CENPM: variants seen among roughly 807,000 people sequenced by gnomAD.
CENPM encodes interphase centromere complex protein 39.
In CENPM, 14 loss-of-function variants were observed where a neutral mutation model predicts 19.6. The observed-to-expected ratio is 0.71, with a 90% confidence interval of 0.47 to 1.11. The LOEUF (loss-of-function observed/expected upper bound fraction) is 1.11. CENPM is among the 50% of genes most tolerant of loss of function. The probability of loss-of-function intolerance (pLI) is 0.00; values close to 1 mark genes in which losing one functional copy is unlikely to be tolerated. For missense variants in CENPM, 239 were observed against 228.4 expected, an observed-to-expected ratio of 1.05 and a Z score of -0.30; for synonymous variants, 114 against 101.5, an observed-to-expected ratio of 1.12 and a Z score of -0.74.
downstream of CENPM, among the ~76,000 whole-genome samples, chr22:41,938,363 C>CTTT (rs564451166): frequency 5.7e-4 from 54 of 94,402 alleles, 1 homozygote; most frequent in Non-Finnish European, 6.8e-4. Flanking sequence ...GCTGGTCTCG[C>CTTT]TTTTTTTTTT....
intron 5 of CENPM, among the ~76,000 whole-genome samples, chr22:41,941,947 G>A (rs943148460): frequency 1.9e-4 from 29 of 152,302 alleles, no homozygotes; most frequent in African/African-American, 6.3e-4. Flanking sequence ...TTCTACTGGC[G>A]ACAGCCACAG....
chr22:41,932,361 G>C, the CENPM span, among the ~76,000 whole-genome samples: 1 of 152,348 alleles, frequency 6.6e-6, no homozygotes, highest in East Asian at 1.9e-4. The surrounding 1 kb of genome is among the most constrained non-coding windows in gnomAD (Gnocchi z 4.3). Flanking sequence ...CACGGAATCA[G>C]CACAAAGTCC....
the CENPM span, among the ~76,000 whole-genome samples, chr22:41,933,031 G>C: frequency 2.0e-5 from 3 of 152,154 alleles, no homozygotes; most frequent in Non-Finnish European, 4.4e-5. Context: ...CAGGGTGCTC[G>C]AGGGTTATGG....
chr22:41,941,659 G>A (rs1404412333), intron 5 of CENPM, among the ~76,000 whole-genome samples: 2 of 152,260 alleles, frequency 1.3e-5, no homozygotes, highest in Admixed American at 6.5e-5. Context: ...CTCACGAGCT[G>A]TCTGACCCTG....
intron 5 of CENPM, among the ~76,000 whole-genome samples, chr22:41,941,271 G>A (rs1243018848): frequency 6.6e-6 from 1 of 152,236 alleles, no homozygotes; most frequent in East Asian, 1.9e-4. Context: ...GCAGAAGAGT[G>A]TTCTGAAGAG....
intron 5 of CENPM, among the ~76,000 whole-genome samples, chr22:41,939,736 C>A (rs75762735): frequency 9.8e-6 from 1 of 102,454 alleles, no homozygotes; most frequent in Admixed American, 1.2e-4. Flanking sequence ...GTTCTAGACA[C>A]GTCCGCTGGA....
intron 5 of CENPM, chr22:41,940,250 G>C (rs1473139092): frequency 1.4e-6 from 1 of 709,706 alleles, no homozygotes; most frequent in Non-Finnish European, 2.6e-6. Context: ...TATTTATTTA[G>C]AAGTCCTGTT....
At chr22:41,942,475 G>T (rs2146609951) in intron 5 of CENPM, among the ~76,000 whole-genome samples, 1 of 152,272 alleles carries the variant, frequency 6.6e-6, no homozygotes, top group South Asian at 2.1e-4. Context: ...CAGTGGCCGG[G>T]TGCAGTGGCT....
the CENPM span, among the ~76,000 whole-genome samples, chr22:41,932,702 A>T: frequency 6.6e-6 from 1 of 152,204 alleles, no homozygotes; most frequent in Non-Finnish European, 1.5e-5. The surrounding 1 kb of genome is among the most constrained non-coding windows in gnomAD (Gnocchi z 4.3). Flanking sequence ...CAAAGCCCCC[A>T]CCTCTTGGGG....
At chr22:41,937,702 C>T (rs1197098349), downstream of CENPM, among the ~76,000 whole-genome samples, 2 of 152,196 alleles carry the variant, frequency 1.3e-5, no homozygotes, top group Admixed American at 1.3e-4. Context: ...ATCCTCCCAA[C>T]GTGACAAGGT....
At position 41,939,165 on chromosome 22, in the gene CENPM, C is replaced by T. The variant is rs781072264; in HGVS notation, c.434G>A (p.Arg145His). 13 of 1,612,190 alleles carry T rather than the reference C, an allele frequency of 8.1e-6. No individual in the cohort carries two copies. The highest frequency in any genetic ancestry group is 3.3e-5 in the Admixed American group (2 of 59,892). The part of the protein sequence containing the change: ...VEGFRATMAQ[R>H]LVRVLQICAG... ...ACAGATCTGCAGCACGCGCACCAGG[C>T]GCTGCGCCATGGTGGCCCTAAAGCC... Residue 145 changes from arginine to histidine, a missense_variant, in exon 6 of 6, where the codon CGC becomes CAC. Coordinates refer to ENST00000215980, the MANE Select transcript of CENPM (RefSeq NM_024053.5).
In CENPM at chr22:41,946,605, G is replaced by A. The variant is rs769182663; in HGVS notation, c.58-109C>T. On this transcript the variant is annotated intron_variant, in intron 1 of 5. Coordinates refer to ENST00000215980, the MANE Select transcript of CENPM (RefSeq NM_024053.5). The stretch of plus-strand genomic sequence containing the variant: ...GGGATCGGGACACCGCCAGCAGGCG[G>A]CTCGGAGGACATTTCCCGAGAAGTG... 7.9e-6 allele frequency: 7 copies of A among 883,920 alleles called. No homozygotes were observed. In the East Asian group the frequency reaches 1.6e-4, roughly 20 times the overall value. 54.8% of individuals were successfully genotyped at this position (883,920 alleles called of 1,614,324 possible). A position where few individuals can be genotyped will look rare whatever the true frequency, so the allele number is the denominator to read the frequency against.
At chr22:41,929,269 G>A in the CENPM span, among the ~76,000 whole-genome samples, 6 of 152,214 alleles carry the variant, frequency 3.9e-5, no homozygotes, top group Admixed American at 2.6e-4. Context: ...CCACATACAC[G>A]TCCATCCATG....
chr22:41,939,241 T>G, intron 5 of CENPM, 45 bp from the exon 6 acceptor site: 1 of 1,559,924 alleles, frequency 6.4e-7, no homozygotes, highest in South Asian at 1.2e-5. Flanking sequence ...ATGCTGGCCC[T>G]GCTCCCTTAC....
the CENPM span, among the ~76,000 whole-genome samples, chr22:41,933,297 C>A: frequency 2.6e-5 from 4 of 151,922 alleles, no homozygotes; most frequent in Non-Finnish European, 5.9e-5. Context: ...AGCCCCTGAG[C>A]CTGCCACACT....
At chr22:41,934,895 A>G (rs2077677589), downstream of CENPM, among the ~76,000 whole-genome samples, 2 of 152,110 alleles carry the variant, frequency 1.3e-5, no homozygotes, top group Admixed American at 1.3e-4. Flanking sequence ...CTGATCTTCC[A>G]TTACTTCCCT....
chr22:41,936,268 C>T (rs1410251353), downstream of CENPM, among the ~76,000 whole-genome samples: 1 of 152,218 alleles, frequency 6.6e-6, no homozygotes, highest in African/African-American at 2.4e-5. Context: ...GACTGTGACA[C>T]ACCTCCCATG....
downstream of CENPM, among the ~76,000 whole-genome samples, chr22:41,936,669 C>T (rs2077685235): frequency 6.6e-6 from 1 of 152,250 alleles, no homozygotes; most frequent in South Asian, 2.1e-4. Flanking sequence ...ACTCTCACAC[C>T]TGTAATCCCA....
At chr22:41,928,118 G>T in the CENPM span, 2 of 377,270 alleles carry the variant, frequency 5.3e-6, no homozygotes, top group Admixed American at 3.1e-5. This position sits in a 1 kb window ranked among gnomAD's most constrained non-coding sequence, Gnocchi z 4.0. Context: ...ACTGTGGCTG[G>T]GGGACACGAG....
Sources: allele counts gnomAD v4.1 joint callset (sites outside exome capture counted in the v4.1 genomes callset), GRCh38; gene constraint gnomAD v4.1.1; non-coding constraint Gnocchi (gnomAD v3.1); transcripts MANE v1.5; gene names NCBI Gene and HGNC (gene_info 2026-07-23, HGNC 2026-07-21).